Variants in CCDC8 observed in about 807,000 individuals in gnomAD.
CCDC8 encodes the protein coiled-coil domain-containing protein 8.
In CCDC8, 6 loss-of-function variants were observed where a neutral mutation model predicts 5.2. That is an observed-to-expected ratio of 1.16 (90% CI 0.63 to 2.28). CCDC8 has a LOEUF of 2.28. Among genes scored for constraint, CCDC8 ranks in the 30% most tolerant of loss-of-function variants. CCDC8 has a pLI of 0.00. For synonymous variants in CCDC8, 310 were observed against 286.5 expected, an observed-to-expected ratio of 1.08 and a Z score of -0.83; for missense variants, 724 against 712.2, an observed-to-expected ratio of 1.02 and a Z score of -0.19.
rs753011896 is a variant in CCDC8, at chr19:46,412,792, C to A, written c.19G>T (p.Asp7Tyr). 1.2e-6 allele frequency: 2 copies of A among 1,614,098 alleles called. No homozygotes were observed. Among genetic ancestry groups the A allele is most frequent in the South Asian group, 2.2e-5 (2 of 91,080 alleles). ...CGGGGGATGAGCAAATAGTCGACGT[C>A]CTCCCCGATCTGCAGCATCCCCACC... MLQIGE[D>Y]VDYLLIPREV... is the part of the protein sequence containing the mutation. The change falls in exon 1 of 1, where the codon GAC (aspartate) becomes TAC (tyrosine). Residue 7 changes from aspartate (D) to tyrosine (Y), a missense_variant. Coordinates refer to ENST00000307522, the MANE Select transcript of CCDC8 (RefSeq NM_032040.5). The surrounding 1 kb of genome is among the most constrained non-coding windows in gnomAD (Gnocchi z 4.7).
In CCDC8 at chr19:46,412,235, G is replaced by A. The variant is rs766745654; in HGVS notation, c.576C>T (p.Asp192=). ...DNLGPQLSKA[D]RWREYVSQVS... is the part of the protein sequence containing the mutation. Reference sequence around the variant, plus strand: ...CCTGGCTGACATACTCCCGCCACCTGTCCGCTTTGGACAGCTGAGGCCCCA... The same window carrying A: ...CCTGGCTGACATACTCCCGCCACCTATCCGCTTTGGACAGCTGAGGCCCCA... The change falls in exon 1 of 1, where the codon GAC becomes GAT. Residue 192 remains aspartate, a synonymous_variant. Transcript: ENST00000307522. The surrounding 1 kb of genome is among the most constrained non-coding windows in gnomAD (Gnocchi z 4.7). 1 of 1,600,798 alleles carries A rather than the reference G, an allele frequency of 6.2e-7. No homozygotes were observed. The highest frequency in any genetic ancestry group is 1.3e-5 in the African/African-American group (1 of 74,908).
chr19:46,411,009 G>A lies in CCDC8; in HGVS notation c.*185C>T. 1.5e-6 allele frequency: 1 copy of A among 687,910 alleles called. No homozygotes were observed. Among genetic ancestry groups the A allele is most frequent in the African/African-American group, 1.8e-5 (1 of 55,482 alleles). The allele number at this position is 687,910 out of a possible 1,614,324, so 42.6% of individuals were successfully genotyped here. On this transcript the variant is annotated 3_prime_UTR_variant, in exon 1 of 1. Transcript: ENST00000307522. ...TGCACTCCAGCCTGGGCAACAGAGT[G>A]AGACCCTGTCTCTAAAAAATTTAAA...
Position 46,412,452 on chromosome 19 carries a change from C to A in CCDC8, c.359G>T (p.Gly120Val), listed in dbSNP as rs1335596033. Residue 120 changes from glycine (G) to valine (V), a missense_variant, in exon 1 of 1, where the codon GGC (glycine) becomes GTC (valine). Transcript: ENST00000307522. This position sits in a 1 kb window ranked among gnomAD's most constrained non-coding sequence, Gnocchi z 4.7. Reference protein sequence around the residue: ...FETSRDKSRQGPRRGKKVRKM... With the variant: ...FETSRDKSRQVPRRGKKVRKM... ...GCGCACCTTCTTGCCCCGCCGCGGGCCCTGGCGGCTCTTGTCTCTGGAGGT... is the reference window on the plus strand; with the variant it reads ...GCGCACCTTCTTGCCCCGCCGCGGGACCTGGCGGCTCTTGTCTCTGGAGGT... The A allele has an allele frequency of 6.2e-7, 1 of 1,611,544 alleles. No individual in the cohort carries two copies. The highest frequency in any genetic ancestry group is 1.1e-5 in the South Asian group (1 of 91,070).
Position 46,412,561 on chromosome 19 carries a change from G to A in CCDC8, c.250C>T (p.Gln84Ter). 1.2e-6 allele frequency: 2 copies of A among 1,607,610 alleles called. No homozygotes were observed. The highest frequency in any genetic ancestry group is 1.7e-6 in the Non-Finnish European group (2 of 1,179,062). Residue 84 changes from glutamine to a stop codon, truncating the protein, a stop_gained, in exon 1 of 1, where the codon CAG becomes TAG. Transcript: ENST00000307522. LOFTEE classifies it low-confidence loss of function (END_TRUNC). This position sits in a 1 kb window ranked among gnomAD's most constrained non-coding sequence, Gnocchi z 4.7. Reference protein sequence around the residue: ...KEPRVRRRVQQMVTPPPRLVV... With the variant: ...KEPRVRRRVQ ...AGCCGGGGCGGAGGAGTCACCATCT[G>A]CTGCACTCTCCTCCTCACTCGGGGC...
Position 46,412,562 on chromosome 19 carries a change from C to A in CCDC8, c.249G>T (p.Gln83His). Residue 83 changes from glutamine (Q) to histidine (H), a missense_variant, in exon 1 of 1, where the codon CAG (glutamine) becomes CAT (histidine). Transcript: ENST00000307522. The surrounding 1 kb of genome is among the most constrained non-coding windows in gnomAD (Gnocchi z 4.7). ...GCCGGGGCGGAGGAGTCACCATCTG[C>A]TGCACTCTCCTCCTCACTCGGGGCT... ...PKEPRVRRRVQQMVTPPPRLV... is the reference protein window; with the variant it reads ...PKEPRVRRRVHQMVTPPPRLV... 1 of 1,607,144 alleles carries A rather than the reference C, an allele frequency of 6.2e-7. No individual in the cohort carries two copies. Among genetic ancestry groups the A allele is most frequent in the Non-Finnish European group, 8.5e-7 (1 of 1,178,728 alleles).
In CCDC8 at chr19:46,411,253, C is replaced by T. The variant is rs765669449; in HGVS notation, c.1558G>A (p.Val520Met). The change falls in exon 1 of 1, where the codon GTG becomes ATG. Residue 520 changes from valine to methionine, a missense_variant. Coordinates refer to ENST00000307522, the MANE Select transcript of CCDC8 (RefSeq NM_032040.5). ...PRAGEARNLRVLRAEARAEAE... is the reference protein window; with the variant it reads ...PRAGEARNLRMLRAEARAEAE... The stretch of plus-strand genomic sequence containing the variant: ...TCTGCTCTGGCCTCGGCCCTCAGCA[C>T]CCTGAGGTTCCTGGCCTCTCCTGCC... 2 of 1,614,176 alleles carry T rather than the reference C, an allele frequency of 1.2e-6. No individual in the cohort carries two copies. The highest frequency in any genetic ancestry group is 1.6e-4 in the Middle Eastern group (1 of 6,062).
chr19:46,411,004 AGAGT>A lies in CCDC8; in HGVS notation c.*186_*189del. Reference sequence around the variant, plus strand: ...GCCACTGCACTCCAGCCTGGGCAACAGAGTGAGACCCTGTCTCTAAAAAATTTAA... The same window carrying A: ...GCCACTGCACTCCAGCCTGGGCAACAGAGACCCTGTCTCTAAAAAATTTAA... On this transcript the variant is annotated 3_prime_UTR_variant, in exon 1 of 1. Coordinates refer to ENST00000307522, the MANE Select transcript of CCDC8 (RefSeq NM_032040.5). 1.5e-6 allele frequency: 1 copy of A among 664,346 alleles called. No homozygotes were observed. The allele number at this position is 664,346 out of a possible 1,614,324, so 41.2% of individuals were successfully genotyped here.
rs1973231816 is a variant in CCDC8 at position 46,411,753 on chromosome 19, GC to G, written c.1057del (p.Ala353GlnfsTer126). The G allele has an allele frequency of 2.5e-6, 4 of 1,612,516 alleles. No homozygotes were observed. Among genetic ancestry groups the G allele is most frequent in the Non-Finnish European group, 2.5e-6 (3 of 1,179,690 alleles). On this transcript the variant is annotated frameshift_variant, in exon 1 of 1. Coordinates refer to ENST00000307522, the MANE Select transcript of CCDC8 (RefSeq NM_032040.5). LOFTEE classifies it low-confidence loss of function (END_TRUNC). ...QRAGAPAEEG[A>X]EAADNQREEA... ...TTCCCTCTGGTTATCTGCAGCCTCT[GC>G]CCCCTCCTCAGCTGGGGCCCCTGCC...
At position 46,411,613 on chromosome 19, in the gene CCDC8, C is replaced by T; in HGVS notation, c.1198G>A (p.Gly400Arg). ...CTTTGATTATCTGTAACCTCTGACC[C>T]CTGGTCAGCTGGGGCCTCCGCCCTC... is the stretch of plus-strand genomic sequence containing the variant. The part of the protein sequence containing the change: ...NQRAEAPADQ[G>R]SEVTDNQREE... Residue 400 changes from glycine (G) to arginine (R), a missense_variant, in exon 1 of 1, where the codon GGG (glycine) becomes AGG (arginine). Physicochemically the swap from Gly to Arg is moderately radical, Grantham distance 125. Coordinates refer to ENST00000307522, the MANE Select transcript of CCDC8 (RefSeq NM_032040.5). 6.2e-7 allele frequency: 1 copy of T among 1,613,878 alleles called. No individual in the cohort carries two copies. The highest frequency in any genetic ancestry group is 8.5e-7 in the Non-Finnish European group (1 of 1,180,008).
At position 46,411,120 on chromosome 19, in the gene CCDC8, T is replaced by C; in HGVS notation, c.*74A>G. ...CGTGGCCAGCACTCCACCTCCACTT[T>C]GAAGTTCAGAGGCAGAGCATCTCTC... On this transcript the variant is annotated 3_prime_UTR_variant, in exon 1 of 1. Coordinates refer to ENST00000307522, the MANE Select transcript of CCDC8 (RefSeq NM_032040.5). 1 of 1,579,216 alleles carries C rather than the reference T, an allele frequency of 6.3e-7. No homozygotes were observed. The highest frequency in any genetic ancestry group is 8.7e-7 in the Non-Finnish European group (1 of 1,153,508).
Position 46,413,173 on chromosome 19 carries a change from G to T in CCDC8, c.-363C>A. On this transcript the variant is annotated 5_prime_UTR_variant, in exon 1 of 1. Transcript: ENST00000307522. ...CGAGCCAAACGCCTCCAATCTCTTC[G>T]CCTGCAACAAGTACAGTCTTGACCA... 1 of 333,348 alleles carries T rather than the reference G, an allele frequency of 3.0e-6. No homozygotes were observed. Among genetic ancestry groups the T allele is most frequent in the Non-Finnish European group, 5.9e-6 (1 of 168,268 alleles). The allele number at this position is 333,348 out of a possible 1,614,324, so 20.6% of individuals were successfully genotyped here.
rs1228751697 is a variant in CCDC8, at chr19:46,411,293, G to C, written c.1518C>G (p.Pro506=). ...CCTCTCCTGCCCTGGGGACTCTCTT[G>C]GGCAGGGTTGGCAACCGGGGAGTGT... ...FWHTPRLPTL[P]KRVPRAGEAR... Residue 506 remains proline (P), a synonymous_variant, in exon 1 of 1, where the codon CCC becomes CCG. Transcript: ENST00000307522. The C allele has an allele frequency of 1.9e-6, 3 of 1,614,068 alleles. No individual in the cohort carries two copies. The highest frequency in any genetic ancestry group is 1.7e-5 in the Admixed American group (1 of 60,010).
Position 46,412,986 on chromosome 19 carries a change from A to C in CCDC8, c.-176T>G, listed in dbSNP as rs545872185. On this transcript the variant is annotated 5_prime_UTR_variant, in exon 1 of 1. Coordinates refer to ENST00000307522, the MANE Select transcript of CCDC8 (RefSeq NM_032040.5). This position sits in a 1 kb window ranked among gnomAD's most constrained non-coding sequence, Gnocchi z 4.7. ...GAAGCCCCAGGGGAACCAGCCCCCC[A>C]CGTGGCTTTTCTCGAGAGTCTTTAA... is the stretch of plus-strand genomic sequence containing the variant. The C allele has an allele frequency of 1.1e-5, 9 of 817,366 alleles. No homozygotes were observed. The South Asian group carries it at 1.5e-4, about 13-fold the overall frequency. The allele number at this position is 817,366 out of a possible 1,614,324, so 50.6% of individuals were successfully genotyped here. A position where few individuals can be genotyped will look rare whatever the true frequency, so the allele number is the denominator to read the frequency against.
In CCDC8 at chr19:46,411,774, C is replaced by G; in HGVS notation, c.1037G>C (p.Gly346Ala). Reference sequence around the variant, plus strand: ...CTCTGCCCCCTCCTCAGCTGGGGCCCCTGCCCTCTGATTATCTGCAGCCTC... The same window carrying G: ...CTCTGCCCCCTCCTCAGCTGGGGCCGCTGCCCTCTGATTATCTGCAGCCTC... ...REEAADNQRAGAPAEEGAEAA... is the reference protein window; with the variant it reads ...REEAADNQRAAAPAEEGAEAA... Residue 346 changes from glycine to alanine, a missense_variant, in exon 1 of 1, where the codon GGG becomes GCG. Gly to Ala is a moderately conservative substitution (Grantham distance 60, BLOSUM62 0). Coordinates refer to ENST00000307522, the MANE Select transcript of CCDC8 (RefSeq NM_032040.5). 2 of 1,609,434 alleles carry G rather than the reference C, an allele frequency of 1.2e-6. No homozygotes were observed. Among genetic ancestry groups the G allele is most frequent in the Non-Finnish European group, 1.7e-6 (2 of 1,178,694 alleles).
rs1973241503 is a variant in CCDC8 at position 46,412,190 on chromosome 19, C to T, written c.621G>A (p.Lys207=). The change falls in exon 1 of 1, where the codon AAG becomes AAA. Residue 207 remains lysine, a synonymous_variant. Coordinates refer to ENST00000307522, the MANE Select transcript of CCDC8 (RefSeq NM_032040.5). The surrounding 1 kb of genome is among the most constrained non-coding windows in gnomAD (Gnocchi z 4.7). Reference sequence around the variant, plus strand: ...TCGGCGCCCAACCCTTCACCCTCCGCTTCAGCTTCCCCCAGGACACCTGGC... The same window carrying T: ...TCGGCGCCCAACCCTTCACCCTCCGTTTCAGCTTCCCCCAGGACACCTGGC... ...YVSQVSWGKL[K]RRVKGWAPRA... The T allele has an allele frequency of 1.3e-6, 2 of 1,598,708 alleles. No homozygotes were observed. The highest frequency in any genetic ancestry group is 8.5e-7 in the Non-Finnish European group (1 of 1,179,610).
chr19:46,412,926 A>C lies in CCDC8; in HGVS notation c.-116T>G, dbSNP rs1973252884. 11 of 1,406,888 alleles carry C rather than the reference A, an allele frequency of 7.8e-6. No homozygotes were observed. The highest frequency in any genetic ancestry group is 1.1e-5 in the Non-Finnish European group (11 of 1,017,348). 87.2% of individuals were successfully genotyped at this position (1,406,888 alleles called of 1,614,324 possible). A position where few individuals can be genotyped will look rare whatever the true frequency, so the allele number is the denominator to read the frequency against. ...ATCCACATCTTTGCAGACATCGGGG[A>C]CGCTCCAAAGAATGAGGCAGTCGGG... On this transcript the variant is annotated 5_prime_UTR_variant, in exon 1 of 1. Coordinates refer to ENST00000307522, the MANE Select transcript of CCDC8 (RefSeq NM_032040.5). This position sits in a 1 kb window ranked among gnomAD's most constrained non-coding sequence, Gnocchi z 4.7.
rs759782532 is a variant in CCDC8 at position 46,412,239 on chromosome 19, G to A, written c.572C>T (p.Ala191Val). 31 of 1,601,116 alleles carry A rather than the reference G, an allele frequency of 1.9e-5. No individual in the cohort carries two copies. The highest frequency in any genetic ancestry group is 1.1e-4 in the South Asian group (10 of 91,082). The change falls in exon 1 of 1, where the codon GCG (alanine) becomes GTG (valine). Residue 191 changes from alanine to valine, a missense_variant. Ala to Val is a moderately conservative substitution (Grantham distance 64, BLOSUM62 0). Transcript: ENST00000307522. This position sits in a 1 kb window ranked among gnomAD's most constrained non-coding sequence, Gnocchi z 4.7. ...EDNLGPQLSK[A>V]DRWREYVSQV... is the part of the protein sequence containing the mutation. The stretch of plus-strand genomic sequence containing the variant: ...GCTGACATACTCCCGCCACCTGTCC[G>A]CTTTGGACAGCTGAGGCCCCAGGTT...
Position 46,412,170 on chromosome 19 carries a change from G to T in CCDC8, c.641C>A (p.Ala214Glu). 6.3e-7 allele frequency: 1 copy of T among 1,598,160 alleles called. No individual in the cohort carries two copies. The highest frequency in any genetic ancestry group is 1.1e-5 in the South Asian group (1 of 91,018). The change falls in exon 1 of 1, where the codon GCG (alanine) becomes GAG (glutamate). Residue 214 changes from alanine (A) to glutamate (E), a missense_variant. Coordinates refer to ENST00000307522, the MANE Select transcript of CCDC8 (RefSeq NM_032040.5). The surrounding 1 kb of genome is among the most constrained non-coding windows in gnomAD (Gnocchi z 4.7). ...GKLKRRVKGW[A>E]PRAGPGVGEA... Reference sequence around the variant, plus strand: ...GCCCACCCCGGGGCCCGCCCTCGGCGCCCAACCCTTCACCCTCCGCTTCAG... The same window carrying T: ...GCCCACCCCGGGGCCCGCCCTCGGCTCCCAACCCTTCACCCTCCGCTTCAG...
Position 46,411,983 on chromosome 19 carries a change from GCGCCGAAAGGAGGC to G in CCDC8, c.814_827del (p.Ala272ProfsTer18). 6.2e-7 allele frequency: 1 copy of G among 1,607,836 alleles called. No individual in the cohort carries two copies. The highest frequency in any genetic ancestry group is 8.5e-7 in the Non-Finnish European group (1 of 1,179,882). ...TGGGTGCTGTCTGCTCCTTCCTGCGGCGCCGAAAGGAGGCCCAGTTGATCTTGGGCCTCCATCGC... is the reference window on the plus strand; with the variant it reads ...TGGGTGCTGTCTGCTCCTTCCTGCGGCCAGTTGATCTTGGGCCTCCATCGC... On this transcript the variant is annotated frameshift_variant, in exon 1 of 1. Transcript: ENST00000307522. LOFTEE classifies it low-confidence loss of function (END_TRUNC).
Sources: gnomAD v4.1 joint callset for allele counts on GRCh38, gnomAD v4.1.1 for gene constraint, Gnocchi (gnomAD v3.1) non-coding constraint, MANE v1.5 for transcripts, NCBI Gene and HGNC (gene_info 2026-07-23, HGNC 2026-07-21) for gene names.